EML1: variants seen among roughly 807,000 people sequenced by gnomAD.
EML1 encodes echinoderm microtubule-associated protein-like 1.
In EML1, 27 loss-of-function variants were observed where a neutral mutation model predicts 110.4. The observed-to-expected ratio is 0.24, with a 90% CI of 0.18 to 0.34. EML1 has a LOEUF of 0.34. Ranked by LOEUF, EML1 falls within the 10% of genes least tolerant of loss-of-function variation. The pLI is 1.00. For synonymous variants in EML1, 344 were observed against 385.8 expected, an observed-to-expected ratio of 0.89 and a Z score of 1.27; for missense variants, 741 against 1,030.9, an observed-to-expected ratio of 0.72 and a Z score of 3.85.
intron 1 of EML1, among the ~76,000 whole-genome samples, chr14:99,775,742 A>G (rs1181828590): frequency 1.3e-5 from 2 of 152,198 alleles, no homozygotes; most frequent in African/African-American, 4.8e-5. Flanking sequence ...TTTACTTCAC[A>G]TGATTTTTGC....
intron 1 of EML1, among the ~76,000 whole-genome samples, chr14:99,780,893 G>A (rs778988977): frequency 5.9e-5 from 9 of 152,118 alleles, no homozygotes; most frequent in Admixed American, 2.6e-4. Flanking sequence ...TGCACTCTAC[G>A]ATGCTCGCAC....
chr14:99,856,917 C>T (rs899696250), intron 2 of EML1, among the ~76,000 whole-genome samples: 13 of 152,290 alleles, frequency 8.5e-5, no homozygotes, highest in East Asian at 5.8e-4. Context: ...AAATCTAAGA[C>T]GCTATATCAT....
chr14:99,884,244 G>C (rs560988952), intron 4 of EML1, among the ~76,000 whole-genome samples: 2 of 152,306 alleles, frequency 1.3e-5, no homozygotes, highest in Non-Finnish European at 2.9e-5. Flanking sequence ...TCCCCTGCTT[G>C]CAGGGCTTTT....
intron 1 of EML1, among the ~76,000 whole-genome samples, chr14:99,752,585 G>T (rs1179371780): frequency 1.3e-5 from 2 of 152,168 alleles, no homozygotes; most frequent in African/African-American, 4.8e-5. Flanking sequence ...GCCTGCTGAG[G>T]TGCCCCCTGG....
chr14:99,838,919 G>GCGCGTGTA (rs1555394664), intron 1 of EML1: 1 of 41,782 alleles, frequency 2.4e-5, no homozygotes, highest in Admixed American at 2.0e-4. Flanking sequence ...GCGCGCGCGC[G>GCGCGTGTA]TGTGTGTGTG....
chr14:99,866,788 G>T (rs1007578859), intron 3 of EML1, among the ~76,000 whole-genome samples: 1 of 152,094 alleles, frequency 6.6e-6, no homozygotes, highest in Non-Finnish European at 1.5e-5. Context: ...TTTCCTAGGA[G>T]TGGGATCATC....
chr14:99,738,453 G>A (rs2092434174), intron 1 of EML1, among the ~76,000 whole-genome samples: 1 of 152,260 alleles, frequency 6.6e-6, no homozygotes, highest in Non-Finnish European at 1.5e-5. Flanking sequence ...GCTGTGGTGG[G>A]GACTGGCCAC....
chr14:99,769,092 G>A (rs2057396351), upstream of EML1, among the ~76,000 whole-genome samples: 1 of 152,138 alleles, frequency 6.6e-6, no homozygotes, highest in African/African-American at 2.4e-5. Context: ...TGGTTTCGAT[G>A]TGGGTTTGAG....
intron 13 of EML1, among the ~76,000 whole-genome samples, chr14:99,913,114 C>T (rs2059972270): frequency 6.6e-6 from 1 of 152,084 alleles, no homozygotes; most frequent in South Asian, 2.1e-4. Flanking sequence ...TTAAACTGAA[C>T]AGAATGACAT....
At chr14:99,866,695 T>C (rs1346541408) in intron 3 of EML1, among the ~76,000 whole-genome samples, 1 of 129,102 alleles carries the variant, frequency 7.7e-6, no homozygotes, top group East Asian at 2.0e-4. Flanking sequence ...ACCCATTAAA[T>C]AGTAACTCCC....
At chr14:99,909,513 C>T in intron 11 of EML1, 34 bp downstream of exon 11, 2 of 1,613,420 alleles carry the variant, frequency 1.2e-6, no homozygotes, top group African/African-American at 1.3e-5. Context: ...CTTTATTTTT[C>T]TCTCGTATAT....
At chr14:99,923,350 G>T (rs1265114121) in intron 17 of EML1, among the ~76,000 whole-genome samples, 1 of 152,200 alleles carries the variant, frequency 6.6e-6, no homozygotes, top group African/African-American at 2.4e-5. Flanking sequence ...TCGTATCCAA[G>T]ATCATGAATA....
At chr14:99,801,875 C>T (rs1323696493) in intron 1 of EML1, among the ~76,000 whole-genome samples, 1 of 152,202 alleles carries the variant, frequency 6.6e-6, no homozygotes, top group African/African-American at 2.4e-5. Context: ...TCCATTATTA[C>T]ACTGTTTTAG....
At chr14:99,830,483 C>A (rs1180342575) in intron 1 of EML1, among the ~76,000 whole-genome samples, 1 of 152,038 alleles carries the variant, frequency 6.6e-6, no homozygotes, top group African/African-American at 2.4e-5. Flanking sequence ...TTTTAATCAT[C>A]GTTTCCTCTT....
At chr14:99,801,088 G>A (rs2057868093) in intron 1 of EML1, among the ~76,000 whole-genome samples, 1 of 152,244 alleles carries the variant, frequency 6.6e-6, no homozygotes, top group Non-Finnish European at 1.5e-5. Flanking sequence ...ACTCTGCAAA[G>A]CCCCTGTAAG....
chr14:99,807,535 A>G (rs1448349261), intron 1 of EML1, among the ~76,000 whole-genome samples: 2 of 152,152 alleles, frequency 1.3e-5, no homozygotes, highest in Non-Finnish European at 2.9e-5. Context: ...GCACAGTCCC[A>G]CCCTAGGCCT....
intron 1 of EML1, among the ~76,000 whole-genome samples, chr14:99,787,199 T>C (rs1160733750): frequency 6.6e-6 from 1 of 152,062 alleles, no homozygotes; most frequent in Non-Finnish European, 1.5e-5. Context: ...AGAAGCTATA[T>C]TTTATATTTT....
At chr14:99,772,782 T>G (rs895626723), upstream of EML1, among the ~76,000 whole-genome samples, 1 of 152,218 alleles carries the variant, frequency 6.6e-6, no homozygotes, top group African/African-American at 2.4e-5. Context: ...ACATTTCATT[T>G]GAACAATGCT....
upstream of EML1, among the ~76,000 whole-genome samples, chr14:99,789,488 C>T (rs781209362): frequency 2.6e-5 from 4 of 152,202 alleles, no homozygotes; most frequent in African/African-American, 4.8e-5. Context: ...GGATTACAGG[C>T]GTAAGCCACC....
Sources: gnomAD v4.1 joint callset for allele counts (sites outside exome capture counted in the v4.1 genomes callset) on GRCh38, gnomAD v4.1.1 for gene constraint, MANE v1.5 for transcripts, NCBI Gene and HGNC (gene_info 2026-07-23, HGNC 2026-07-21) for gene names.